The following LRRC4C variants were observed in gnomAD, a reference collection of about 807,000 sequenced individuals.
LRRC4C encodes leucine-rich repeat-containing protein 4C.
LRRC4C carries 5 observed loss-of-function variants against 33.6 expected under a neutral mutation model. The observed-to-expected ratio is 0.15, with a 90% CI of 0.08 to 0.31. LRRC4C has a LOEUF of 0.31. LRRC4C is among the 10% of genes least tolerant of loss of function. The probability of loss-of-function intolerance (pLI) is 1.00; values close to 1 mark genes in which losing one functional copy is unlikely to be tolerated. For synonymous variants in LRRC4C, 329 were observed against 302.0 expected, an observed-to-expected ratio of 1.09 and a Z score of -0.93; for missense variants, 560 against 796.7, an observed-to-expected ratio of 0.70 and a Z score of 3.58.
intron 2 of LRRC4C, among the ~76,000 whole-genome samples, chr11:40,732,956 G>A (rs1947666718): frequency 6.6e-6 from 1 of 150,728 alleles, no homozygotes; most frequent in African/African-American, 2.4e-5. Flanking sequence ...TTTTACAGAT[G>A]AGGACTGTAA....
In LRRC4C at chr11:41,111,006, T is replaced by C. The variant is rs117352227; in HGVS notation, c.-495-177283A>G. Among the ~76,000 whole-genome samples, 8 of 152,194 alleles carry C rather than the reference T, an allele frequency of 5.3e-5. No individual in the cohort carries two copies. The East Asian group carries it at 1.4e-3, about 26-fold the overall frequency. Reference sequence around the variant, plus strand: ...TGCATTTCTAGGAAGTTCTCAGAGATGCAGATGCTGAAGGGCTGGAGACTA... The same window carrying C: ...TGCATTTCTAGGAAGTTCTCAGAGACGCAGATGCTGAAGGGCTGGAGACTA... On this transcript the variant is annotated intron_variant, in intron 1 of 6. Transcript: ENST00000528697.
intron 1 of LRRC4C, among the ~76,000 whole-genome samples, chr11:41,262,599 A>G (rs964020730): frequency 6.6e-6 from 1 of 152,100 alleles, no homozygotes; most frequent in Admixed American, 6.6e-5. Context: ...AATGGTTGCT[A>G]TATCCAAGAA....
At chr11:40,138,103 CT>C (rs992107857) in intron 6 of LRRC4C, among the ~76,000 whole-genome samples, 3 of 152,148 alleles carry the variant, frequency 2.0e-5, no homozygotes, top group African/African-American at 7.2e-5. Flanking sequence ...AATCCACCTC[CT>C]TTTAGCCACT....
chr11:41,187,022 A>C (rs1347145449), intron 1 of LRRC4C, among the ~76,000 whole-genome samples: 1 of 152,232 alleles, frequency 6.6e-6, no homozygotes, highest in Non-Finnish European at 1.5e-5. Flanking sequence ...ATGTACAAGC[A>C]GAGTGACCTT....
intron 3 of LRRC4C, among the ~76,000 whole-genome samples, chr11:40,634,084 G>C (rs1016483404): frequency 6.6e-6 from 1 of 152,132 alleles, no homozygotes; most frequent in Non-Finnish European, 1.5e-5. Flanking sequence ...TTAGCTTCCA[G>C]GGTTGTTTTT....
intron 3 of LRRC4C, among the ~76,000 whole-genome samples, chr11:40,323,122 GC>G (rs758239669): frequency 3.3e-5 from 5 of 152,138 alleles, no homozygotes; most frequent in African/African-American, 4.8e-5. Context: ...GCTCAGAGCA[GC>G]CTAAAGCAAT....
At chr11:40,205,357 C>T (rs1863067304) in intron 5 of LRRC4C, among the ~76,000 whole-genome samples, 1 of 152,018 alleles carries the variant, frequency 6.6e-6, no homozygotes, top group Non-Finnish European at 1.5e-5. Context: ...TAAATAAAAG[C>T]AATCTATGTG....
chr11:41,012,448 G>GTA (rs141813252), intron 1 of LRRC4C, among the ~76,000 whole-genome samples: 2,628 of 152,008 alleles, frequency 0.017, 26 homozygotes, highest in Non-Finnish European at 0.027. Flanking sequence ...ATTCAATTGT[G>GTA]TATATATATA....
chr11:40,520,331 A>C (rs1191904083), intron 3 of LRRC4C, among the ~76,000 whole-genome samples: 1 of 151,104 alleles, frequency 6.6e-6, no homozygotes, highest in Non-Finnish European at 1.5e-5. Flanking sequence ...GGCCTATCTC[A>C]GTTTTTAACA....
At chr11:40,780,613 A>G (rs944129504) in intron 2 of LRRC4C, among the ~76,000 whole-genome samples, 6 of 152,158 alleles carry the variant, frequency 3.9e-5, no homozygotes, top group Admixed American at 2.6e-4. Context: ...TTAAATATGT[A>G]AAATAGATAC....
In LRRC4C at chr11:40,653,179, G is replaced by A. The variant is rs1474547519; in HGVS notation, c.-406-4901C>T. Among the ~76,000 whole-genome samples, 5 of 152,290 alleles carry A rather than the reference G, an allele frequency of 3.3e-5. No individual in the cohort carries two copies. In the East Asian group the frequency reaches 9.6e-4, roughly 29 times the overall value. On this transcript the variant is annotated intron_variant, in intron 2 of 6. Coordinates refer to ENST00000528697, the MANE Select transcript of LRRC4C (RefSeq NM_001258419.2). Reference sequence around the variant, plus strand: ...AGTTAGTTGGTACCAGGAGTTCGGTGCTGATATAAAGATACCTGAAAATAT... The same window carrying A: ...AGTTAGTTGGTACCAGGAGTTCGGTACTGATATAAAGATACCTGAAAATAT...
intron 2 of LRRC4C, among the ~76,000 whole-genome samples, chr11:40,849,545 C>A (rs1198407396): frequency 6.6e-6 from 1 of 152,070 alleles, no homozygotes; most frequent in African/African-American, 2.4e-5. Context: ...TGTGGGTAAC[C>A]TTTCTCTCTG....
At chr11:41,122,278 C>A (rs1942478886) in intron 1 of LRRC4C, among the ~76,000 whole-genome samples, 1 of 152,022 alleles carries the variant, frequency 6.6e-6, no homozygotes, top group South Asian at 2.1e-4. Context: ...ATTGAACCCG[C>A]CAGATTCAGA....
At chr11:40,845,487 A>G (rs1953115283) in intron 2 of LRRC4C, among the ~76,000 whole-genome samples, 1 of 152,164 alleles carries the variant, frequency 6.6e-6, no homozygotes, top group Admixed American at 6.5e-5. Flanking sequence ...AGCTTCATCC[A>G]TGTCCCTGCA....
At chr11:40,448,184 T>A (rs901308167) in intron 3 of LRRC4C, among the ~76,000 whole-genome samples, 1 of 152,188 alleles carries the variant, frequency 6.6e-6, no homozygotes, top group Non-Finnish European at 1.5e-5. Context: ...GGAATGCCTC[T>A]AGATAAATTC....
At chr11:40,259,607 T>C (rs1590843859) in intron 4 of LRRC4C, among the ~76,000 whole-genome samples, 1 of 152,162 alleles carries the variant, frequency 6.6e-6, no homozygotes, top group East Asian at 1.9e-4. Context: ...AAGGAAGGGA[T>C]CCAGTTTCAG....
intron 2 of LRRC4C, among the ~76,000 whole-genome samples, chr11:40,743,301 T>C (rs115522101): frequency 0.022 from 3,292 of 152,160 alleles, 65 homozygotes; most frequent in African/African-American, 0.04. Flanking sequence ...ATTTCTCTTA[T>C]GCTCCCCTCT....
chr11:40,868,745 G>T (rs1954490176), intron 2 of LRRC4C, among the ~76,000 whole-genome samples: 1 of 152,102 alleles, frequency 6.6e-6, no homozygotes, highest in Non-Finnish European at 1.5e-5. Flanking sequence ...AATTAAAAAT[G>T]CTAGAAATGT....
intron 1 of LRRC4C, among the ~76,000 whole-genome samples, chr11:41,215,729 G>A (rs1166104419): frequency 6.6e-6 from 1 of 152,036 alleles, no homozygotes; most frequent in African/African-American, 2.4e-5. Context: ...TTGTATAGAT[G>A]TATCATATTT....
Sources: allele counts gnomAD v4.1 joint callset (sites outside exome capture counted in the v4.1 genomes callset), GRCh38; gene constraint gnomAD v4.1.1; transcripts MANE v1.5; gene names NCBI Gene and HGNC (gene_info 2026-07-23, HGNC 2026-07-21).